The following FAR1 variants were observed in gnomAD, a reference collection of about 807,000 sequenced individuals.
FAR1 encodes the protein male sterility domain-containing protein 2.
A neutral mutation model predicts 61.1 loss-of-function variants in FAR1; 22 were observed. The observed-to-expected ratio is 0.36, with a 90% confidence interval of 0.26 to 0.51. The LOEUF is 0.51. Ranked by LOEUF, FAR1 falls within the 20% of genes least tolerant of loss-of-function variation. The probability of loss-of-function intolerance (pLI) is 0.95; values close to 1 mark genes in which losing one functional copy is unlikely to be tolerated. For synonymous variants in FAR1, 206 were observed against 209.7 expected, an observed-to-expected ratio of 0.98 and a Z score of 0.15; for missense variants, 359 against 626.9, an observed-to-expected ratio of 0.57 and a Z score of 4.56.
At chr11:13,675,962 T>C (rs924222390) in intron 1 of FAR1, among the ~76,000 whole-genome samples, 7 of 152,200 alleles carry the variant, frequency 4.6e-5, no homozygotes, top group African/African-American at 7.2e-5. Context: ...GTCATGAACT[T>C]CTCTGAGCAT....
At chr11:13,671,326 G>T (rs546254049) in intron 1 of FAR1, among the ~76,000 whole-genome samples, 6 of 152,294 alleles carry the variant, frequency 3.9e-5, no homozygotes, top group Non-Finnish European at 7.4e-5. Context: ...ATTAAAAATG[G>T]TTTTTAAGGA....
chr11:13,682,744 A>G (rs1209139430), intron 1 of FAR1, among the ~76,000 whole-genome samples: 1 of 151,936 alleles, frequency 6.6e-6, no homozygotes. Flanking sequence ...AAGTAGCTAG[A>G]ATCACAGGTG....
At chr11:13,702,187 TATA>T (rs1354020626) in intron 3 of FAR1, among the ~76,000 whole-genome samples, 1 of 152,150 alleles carries the variant, frequency 6.6e-6, no homozygotes, top group African/African-American at 2.4e-5. Flanking sequence ...TTATTAGGAC[TATA>T]ATATGATCTT....
chr11:13,702,476 TTG>T (rs1163864932), intron 3 of FAR1, among the ~76,000 whole-genome samples: 17 of 152,146 alleles, frequency 1.1e-4, no homozygotes, highest in Non-Finnish European at 1.5e-5. Context: ...TAAAATTTTG[TTG>T]TGTGTGTATA....
At chr11:13,677,020 A>G (rs1192165686) in intron 1 of FAR1, among the ~76,000 whole-genome samples, 1 of 152,230 alleles carries the variant, frequency 6.6e-6, no homozygotes, top group Non-Finnish European at 1.5e-5. Context: ...CAATCCCAAC[A>G]GCGTTGTTTC....
At position 13,730,516 on chromosome 11, in the gene FAR1, A is replaced by G. The variant is rs1848712942; in HGVS notation, c.*1742A>G. Reference sequence around the variant, plus strand: ...ATGACAATGTCTGAAAATGGAATAGATAATGATGCCTTTTATTTAAAGTGG... The same window carrying G: ...ATGACAATGTCTGAAAATGGAATAGGTAATGATGCCTTTTATTTAAAGTGG... On this transcript the variant is annotated 3_prime_UTR_variant, in exon 12 of 12. Transcript: ENST00000354817. 6.6e-6 allele frequency: 1 copy of G among 152,200 alleles called. No homozygotes were observed. Among genetic ancestry groups the G allele is most frequent in the African/African-American group, 2.4e-5 (1 of 41,446 alleles). The allele number at this position is 152,200 out of a possible 1,614,324, so 9.4% of individuals were successfully genotyped here.
chr11:13,677,650 C>T (rs1041651890), intron 1 of FAR1, among the ~76,000 whole-genome samples: 7 of 152,228 alleles, frequency 4.6e-5, no homozygotes, highest in African/African-American at 1.7e-4. Flanking sequence ...CTTGCCCGTA[C>T]ATTAGCGACA....
intron 7 of FAR1, 157 bp downstream of exon 7, chr11:13,712,203 C>CAATA: frequency 3.5e-6 from 2 of 569,792 alleles, no homozygotes; most frequent in Non-Finnish European, 3.1e-6. Context: ...TTATCACAGA[C>CAATA]AATAGCAAGT....
chr11:13,680,759 C>T (rs1052274757), intron 1 of FAR1, among the ~76,000 whole-genome samples: 2 of 152,148 alleles, frequency 1.3e-5, no homozygotes, highest in Non-Finnish European at 2.9e-5. Flanking sequence ...ATGACCCAAA[C>T]ACCTCCCACC....
intron 1 of FAR1, among the ~76,000 whole-genome samples, chr11:13,676,420 G>C (rs868309544): frequency 1.3e-5 from 2 of 152,054 alleles, no homozygotes; most frequent in African/African-American, 4.8e-5. Context: ...TTGACTTACT[G>C]TGTCCTTAGG....
rs752320111 is a variant in FAR1 at position 13,694,876 on chromosome 11, G to A, written c.111G>A (p.Val37=). 2 of 1,614,104 alleles carry A rather than the reference G, an allele frequency of 1.2e-6. No homozygotes were observed. The highest frequency in any genetic ancestry group is 2.2e-5 in the South Asian group (2 of 91,078). Residue 37 remains valine (V), a synonymous_variant, in exon 2 of 12, where the codon GTG becomes GTA. Transcript: ENST00000354817. ...AGTTGCTGAGGTCTTGTCCTAAGGTGAATTCAGTATATGTTTTGGTGAGGC... is the reference window on the plus strand; with the variant it reads ...AGTTGCTGAGGTCTTGTCCTAAGGTAAATTCAGTATATGTTTTGGTGAGGC... ...LEKLLRSCPK[V]NSVYVLVRQK...
At chr11:13,671,588 G>T (rs1299083847) in intron 1 of FAR1, among the ~76,000 whole-genome samples, 1 of 152,196 alleles carries the variant, frequency 6.6e-6, no homozygotes. Flanking sequence ...TTTGAGTCCT[G>T]TGCTAGAGTA....
intron 9 of FAR1, among the ~76,000 whole-genome samples, chr11:13,717,819 A>C (rs546942784): frequency 6.6e-6 from 1 of 152,302 alleles, no homozygotes; most frequent in Non-Finnish European, 1.5e-5. Flanking sequence ...ATTTACAAAA[A>C]CAGGTGGTGG....
intron 1 of FAR1, among the ~76,000 whole-genome samples, chr11:13,670,552 A>G (rs779336805): frequency 7.2e-5 from 11 of 152,136 alleles, no homozygotes; most frequent in Non-Finnish European, 1.6e-4. Flanking sequence ...TCGGCCTCCC[A>G]AAGTGCTGGG....
intron 1 of FAR1, among the ~76,000 whole-genome samples, chr11:13,672,813 CA>C (rs541207088): frequency 4.0e-4 from 61 of 152,304 alleles, no homozygotes; most frequent in African/African-American, 1.4e-3. Context: ...GTTACTAACC[CA>C]CCCTGAATGG....
At chr11:13,695,099 A>C in intron 2 of FAR1, 145 bp downstream of exon 2, 1 of 642,948 alleles carries the variant, frequency 1.6e-6, no homozygotes, top group Non-Finnish European at 2.4e-6. Context: ...TTCCTACAGG[A>C]TGGCAAGAAA....
Position 13,695,223 on chromosome 11 carries a change from C to CCT in FAR1, c.189+269_189+270insCT, listed in dbSNP as rs537426453. Among the ~76,000 whole-genome samples the CCT allele has an allele frequency of 1.4e-3, 220 of 152,124 alleles. 1 individual carries two copies. The highest frequency in any genetic ancestry group is 5.1e-3 in the African/African-American group (212 of 41,454). ...AGGTATTTAAAGTATGTTTTTAGAACATTTGAGGCAGGTTGTTTGTAACTA... is the reference window on the plus strand; with the variant it reads ...AGGTATTTAAAGTATGTTTTTAGAACCTATTTGAGGCAGGTTGTTTGTAACTA... On this transcript the variant is annotated intron_variant, in intron 2 of 11. Transcript: ENST00000354817.
intron 2 of FAR1, among the ~76,000 whole-genome samples, chr11:13,697,601 T>C (rs902302118): frequency 6.6e-6 from 1 of 151,998 alleles, no homozygotes; most frequent in Non-Finnish European, 1.5e-5. Flanking sequence ...GAAAAGATGG[T>C]ATTGAGTAAA....
chr11:13,715,202 G>A (rs1334007357), intron 9 of FAR1, among the ~76,000 whole-genome samples: 3 of 152,118 alleles, frequency 2.0e-5, no homozygotes, highest in South Asian at 4.1e-4. Flanking sequence ...CAGCTTGCTG[G>A]AGAGATGAAA....
Sources: gnomAD v4.1 joint callset for allele counts (sites outside exome capture counted in the v4.1 genomes callset) on GRCh38, gnomAD v4.1.1 for gene constraint, MANE v1.5 for transcripts, NCBI Gene and HGNC (gene_info 2026-07-23, HGNC 2026-07-21) for gene names.